The following FAM53B variants were observed in gnomAD, a reference collection of about 807,000 sequenced individuals.
The protein encoded by FAM53B is protein FAM53B.
A neutral mutation model predicts 32.7 loss-of-function variants in FAM53B; 12 were observed. The observed-to-expected ratio is 0.37, with a 90% CI of 0.24 to 0.59. The LOEUF is 0.59. Among genes scored for constraint, FAM53B ranks in the 20% least tolerant of loss-of-function variants. The pLI is 0.72. For missense variants in FAM53B, 477 were observed against 577.7 expected, an observed-to-expected ratio of 0.83 and a Z score of 1.79; for synonymous variants, 234 against 228.7, an observed-to-expected ratio of 1.02 and a Z score of -0.21.
chr10:124,719,577 A>T (rs17624662), intron 1 of FAM53B, among the ~76,000 whole-genome samples: 2 of 152,076 alleles, frequency 1.3e-5, no homozygotes, highest in Admixed American at 6.5e-5. Flanking sequence ...GTTTGTCCGC[A>T]GCACACCCCA....
chr10:124,623,123 C>T lies in FAM53B; in HGVS notation c.*119G>A, dbSNP rs1949322370. 1.0e-5 allele frequency: 14 copies of T among 1,342,848 alleles called. No individual in the cohort carries two copies. The South Asian group carries it at 1.7e-4, about 16-fold the overall frequency. 83.2% of individuals were successfully genotyped at this position (1,342,848 alleles called of 1,614,324 possible). A position where few individuals can be genotyped will look rare whatever the true frequency, so the allele number is the denominator to read the frequency against. On this transcript the variant is annotated 3_prime_UTR_variant, in exon 5 of 5. Coordinates refer to ENST00000337318, the MANE Select transcript of FAM53B (RefSeq NM_014661.4). Reference sequence around the variant, plus strand: ...TGGGCTCCCTCTCTGGGACCCGACACCACTCAGGAAGCTTTCATCAGGCCC... The same window carrying T: ...TGGGCTCCCTCTCTGGGACCCGACATCACTCAGGAAGCTTTCATCAGGCCC...
intron 3 of FAM53B, among the ~76,000 whole-genome samples, chr10:124,688,497 T>C (rs1205708268): frequency 6.6e-6 from 1 of 152,206 alleles, no homozygotes; most frequent in Non-Finnish European, 1.5e-5. Flanking sequence ...CACACAAGCA[T>C]CCCTGGGCCC....
chr10:124,706,927 G>A (rs1473991201), intron 1 of FAM53B, 40 bp from the exon 2 acceptor site: 2 of 1,415,490 alleles, frequency 1.4e-6, no homozygotes, highest in Non-Finnish European at 1.8e-6. Context: ...TCAGGACTAA[G>A]AAAGACGAGG....
intron 4 of FAM53B, among the ~76,000 whole-genome samples, chr10:124,666,702 C>T (rs767857926): frequency 1.4e-4 from 22 of 152,242 alleles, no homozygotes; most frequent in Non-Finnish European, 3.1e-4. Flanking sequence ...CAGGGCTGCA[C>T]GGGTACAGTA....
chr10:124,646,674 T>G (rs1949517672), intron 4 of FAM53B, among the ~76,000 whole-genome samples: 1 of 152,234 alleles, frequency 6.6e-6, no homozygotes, highest in Non-Finnish European at 1.5e-5. Flanking sequence ...CTCCTGCTGC[T>G]GGGAGACCTG....
At chr10:124,693,054 T>C (rs1323901452) in intron 3 of FAM53B, among the ~76,000 whole-genome samples, 3 of 152,262 alleles carry the variant, frequency 2.0e-5, no homozygotes, top group African/African-American at 7.2e-5. Flanking sequence ...GGAGACAGGC[T>C]GGGGGTTGGT....
chr10:124,626,388 G>GCCCCC (rs34542605), intron 4 of FAM53B, among the ~76,000 whole-genome samples: 3 of 101,816 alleles, frequency 2.9e-5, no homozygotes, highest in Admixed American at 1.0e-4. Flanking sequence ...CGAAATTTGT[G>GCCCCC]CCCCCCCCCC....
At chr10:124,633,871 G>T (rs992080667) in intron 4 of FAM53B, among the ~76,000 whole-genome samples, 4 of 151,998 alleles carry the variant, frequency 2.6e-5, no homozygotes, top group Non-Finnish European at 5.9e-5. Context: ...GAGAAAAAAA[G>T]GCCTTTCTAA....
At chr10:124,667,027 A>AC (rs71029209) in intron 4 of FAM53B, among the ~76,000 whole-genome samples, 2 of 151,770 alleles carry the variant, frequency 1.3e-5, no homozygotes, top group Non-Finnish European at 2.9e-5. Flanking sequence ...ACCAAGGCTG[A>AC]CCCCCAACCC....
intron 1 of FAM53B, among the ~76,000 whole-genome samples, chr10:124,710,894 A>G (rs1030066963): frequency 6.6e-6 from 1 of 152,188 alleles, no homozygotes; most frequent in Non-Finnish European, 1.5e-5. Context: ...ACTTCCCACC[A>G]TGCCTCACCT....
At chr10:124,634,962 CA>C (rs1949419022) in intron 4 of FAM53B, among the ~76,000 whole-genome samples, 2 of 152,138 alleles carry the variant, frequency 1.3e-5, no homozygotes, top group Admixed American at 6.5e-5. Context: ...TCAAGAATGT[CA>C]AAAGCAAAGT....
chr10:124,680,185 A>G (rs1181449320), intron 4 of FAM53B, among the ~76,000 whole-genome samples: 1 of 152,254 alleles, frequency 6.6e-6, no homozygotes, highest in Non-Finnish European at 1.5e-5. Context: ...GCACACGCCT[A>G]GAGCCACAAT....
chr10:124,703,328 G>A lies in FAM53B; in HGVS notation c.78+3308C>T, dbSNP rs561042171. 7.6e-4 allele frequency among the ~76,000 whole-genome samples: 115 copies of A among 152,294 alleles called. 3 individuals carry two copies. The South Asian group carries it at 0.023, about 30-fold the overall frequency. ...CTCCCAAAGTGCTGGGATTACCGGC[G>A]TGAGCCACCATGCCTGGCCGGTGCC... is the stretch of plus-strand genomic sequence containing the variant. On this transcript the variant is annotated intron_variant, in intron 2 of 4. Transcript: ENST00000337318.
At chr10:124,633,039 C>T (rs1029526889) in intron 4 of FAM53B, among the ~76,000 whole-genome samples, 2 of 152,080 alleles carry the variant, frequency 1.3e-5, no homozygotes, top group Non-Finnish European at 1.5e-5. Flanking sequence ...ACCAAGGGTG[C>T]GATCCCCCCT....
chr10:124,666,827 C>T (rs1949675936), intron 4 of FAM53B, among the ~76,000 whole-genome samples: 1 of 152,218 alleles, frequency 6.6e-6, no homozygotes, highest in Non-Finnish European at 1.5e-5. Flanking sequence ...ACCTCTAGTT[C>T]CACCATGGAC....
intron 1 of FAM53B, among the ~76,000 whole-genome samples, chr10:124,720,136 C>G (rs979552027): frequency 6.6e-6 from 1 of 150,482 alleles, no homozygotes; most frequent in Admixed American, 6.6e-5. Flanking sequence ...GCACTCCAGC[C>G]TGGGTGACAA....
chr10:124,698,653 T>G (rs1949891466), intron 2 of FAM53B, among the ~76,000 whole-genome samples: 1 of 152,106 alleles, frequency 6.6e-6, no homozygotes, highest in Non-Finnish European at 1.5e-5. Context: ...CTGCCATTTC[T>G]AACCTGGAAA....
chr10:124,741,760 G>A (rs1004260712), intron 1 of FAM53B, among the ~76,000 whole-genome samples: 7 of 152,230 alleles, frequency 4.6e-5, no homozygotes, highest in African/African-American at 1.7e-4. Context: ...AACCACCACG[G>A]TGACAATAAG....
At chr10:124,691,746 C>T (rs781741590) in intron 3 of FAM53B, among the ~76,000 whole-genome samples, 3 of 152,154 alleles carry the variant, frequency 2.0e-5, no homozygotes, top group Non-Finnish European at 4.4e-5. Context: ...CCTGTTTCAC[C>T]AAAAAAGATC....
Sources: allele counts gnomAD v4.1 joint callset (sites outside exome capture counted in the v4.1 genomes callset), GRCh38; gene constraint gnomAD v4.1.1; transcripts MANE v1.5; gene names NCBI Gene and HGNC (gene_info 2026-07-23, HGNC 2026-07-21).